Variants in SKAP2 observed in about 807,000 individuals in gnomAD.
SKAP2 encodes src kinase-associated phosphoprotein 2.
SKAP2 carries 28 observed loss-of-function variants against 54.9 expected under a neutral mutation model. That is an observed-to-expected ratio of 0.51 (90% CI 0.38 to 0.70). SKAP2 has a LOEUF of 0.70. Among genes scored for constraint, SKAP2 ranks in the 30% least tolerant of loss-of-function variants. SKAP2 has a pLI of 0.00. For missense variants in SKAP2, 356 were observed against 424.1 expected (o/e 0.84, Z 1.41); for synonymous variants, 137 against 134.3 (o/e 1.02, Z -0.14).
chr7:26,770,151 C>A (rs1158211421), intron 4 of SKAP2, among the ~76,000 whole-genome samples: 3 of 152,152 alleles, frequency 2.0e-5, no homozygotes, highest in East Asian at 1.9e-4. Context: ...AGATGCCCTG[C>A]CCAGAGAGGA....
At position 26,726,587 on chromosome 7, in the gene SKAP2, C is replaced by T. The variant is rs78019459; in HGVS notation, c.594+295G>A. The stretch of plus-strand genomic sequence containing the variant: ...GCTATGTAATTCTTTTGGAAGATCA[C>T]CTAGTGCTATGCAACATGTGATCAC... On this transcript the variant is annotated intron_variant, in intron 7 of 12. Coordinates refer to ENST00000345317, the MANE Select transcript of SKAP2 (RefSeq NM_003930.5). The T allele has an allele frequency of 8.5e-3, 1,859 of 217,656 alleles. 34 individuals carry two copies. Among genetic ancestry groups the T allele is most frequent in the African/African-American group, 0.04 (1,720 of 43,210 alleles). The allele number at this position is 217,656 out of a possible 1,614,324, so 13.5% of individuals were successfully genotyped here.
chr7:26,712,664 C>T (rs1405060917), intron 9 of SKAP2, among the ~76,000 whole-genome samples: 3 of 152,086 alleles, frequency 2.0e-5, no homozygotes, highest in Non-Finnish European at 2.9e-5. Context: ...GTAATAATAC[C>T]TATACCATCA....
At chr7:26,688,524 T>C (rs1466402816) in intron 10 of SKAP2, among the ~76,000 whole-genome samples, 1 of 152,190 alleles carries the variant, frequency 6.6e-6, no homozygotes, top group Non-Finnish European at 1.5e-5. Flanking sequence ...CTGCCCTGCA[T>C]GGCAAACAAA....
At chr7:26,762,693 T>A (rs1053092692) in intron 4 of SKAP2, among the ~76,000 whole-genome samples, 12 of 151,642 alleles carry the variant, frequency 7.9e-5, no homozygotes, top group Non-Finnish European at 1.6e-4. Flanking sequence ...AAAAAAAAAA[T>A]TGATGCCCAT....
At chr7:26,693,836 C>T (rs2127942399) in intron 9 of SKAP2, among the ~76,000 whole-genome samples, 1 of 152,084 alleles carries the variant, frequency 6.6e-6, no homozygotes, top group African/African-American at 2.4e-5. Context: ...CAAATAGCTT[C>T]CATATAAAAG....
chr7:26,663,684 GA>G (rs1786057934), downstream of SKAP2, among the ~76,000 whole-genome samples: 1 of 152,110 alleles, frequency 6.6e-6, no homozygotes, highest in Admixed American at 6.6e-5. Context: ...AACTATTTGA[GA>G]CAGAAGCAGC....
chr7:26,826,546 CA>C (rs1336359423), intron 4 of SKAP2, among the ~76,000 whole-genome samples: 1 of 152,166 alleles, frequency 6.6e-6, no homozygotes, highest in East Asian at 1.9e-4. Flanking sequence ...GGCTGTTTCA[CA>C]AATGTGAAAA....
chr7:26,823,618 T>C (rs1207840775), intron 4 of SKAP2, among the ~76,000 whole-genome samples: 2 of 152,058 alleles, frequency 1.3e-5, no homozygotes, highest in Non-Finnish European at 2.9e-5. Flanking sequence ...GAAGAAAAGT[T>C]AGAATCTAGC....
chr7:26,792,526 A>G (rs966623584), intron 4 of SKAP2, among the ~76,000 whole-genome samples: 1 of 152,226 alleles, frequency 6.6e-6, no homozygotes, highest in African/African-American at 2.4e-5. Flanking sequence ...TATTTGAAAA[A>G]TAAGATTTTG....
chr7:26,754,813 C>T (rs1161650119), intron 4 of SKAP2, among the ~76,000 whole-genome samples: 2 of 152,136 alleles, frequency 1.3e-5, no homozygotes, highest in Admixed American at 6.6e-5. Context: ...GAAGTTACCT[C>T]AGAGGAGGCT....
chr7:26,677,394 TAAAAA>T (rs1322136047), intron 11 of SKAP2, among the ~76,000 whole-genome samples: 1 of 72,970 alleles, frequency 1.4e-5, no homozygotes. Context: ...TCTGTCTCAA[TAAAAA>T]AAAAAAAAAA....
intron 4 of SKAP2, among the ~76,000 whole-genome samples, chr7:26,829,121 C>T (rs1277393404): frequency 2.0e-5 from 3 of 152,044 alleles, no homozygotes; most frequent in Non-Finnish European, 2.9e-5. Context: ...TCAAGGATAC[C>T]ATCAAGAAAG....
chr7:26,846,915 G>C (rs1784934072), intron 3 of SKAP2, among the ~76,000 whole-genome samples: 1 of 152,118 alleles, frequency 6.6e-6, no homozygotes, highest in Admixed American at 6.5e-5. Flanking sequence ...CTGGGAGGCG[G>C]TGAGCCAAGA....
At chr7:26,823,114 C>T (rs1784414592) in intron 4 of SKAP2, among the ~76,000 whole-genome samples, 1 of 151,826 alleles carries the variant, frequency 6.6e-6, no homozygotes, top group African/African-American at 2.4e-5. Context: ...CTCCAGTGAA[C>T]ACACAAATGA....
intron 4 of SKAP2, among the ~76,000 whole-genome samples, chr7:26,756,581 G>A (rs1393464255): frequency 6.6e-6 from 1 of 152,056 alleles, no homozygotes; most frequent in Admixed American, 6.6e-5. Flanking sequence ...GTCTATCATC[G>A]ATGGACATTT....
chr7:26,710,103 C>G (rs1390965105), intron 9 of SKAP2, among the ~76,000 whole-genome samples: 1 of 152,004 alleles, frequency 6.6e-6, no homozygotes, highest in Non-Finnish European at 1.5e-5. Flanking sequence ...CTTAATTTAC[C>G]TAATAGACCC....
At chr7:26,811,514 T>C (rs1784144812) in intron 4 of SKAP2, among the ~76,000 whole-genome samples, 1 of 152,182 alleles carries the variant, frequency 6.6e-6, no homozygotes, top group Non-Finnish European at 1.5e-5. Context: ...GTTCCTCTTC[T>C]CTCTCAACAA....
intron 9 of SKAP2, among the ~76,000 whole-genome samples, chr7:26,712,677 C>T (rs1218168222): frequency 1.3e-5 from 2 of 152,152 alleles, no homozygotes; most frequent in African/African-American, 4.8e-5. Context: ...TACCATCAAC[C>T]ACTTATGCTT....
At position 26,751,347 on chromosome 7, in the gene SKAP2, T is replaced by A. The variant is rs575204448; in HGVS notation, c.308-11383A>T. 6.6e-5 allele frequency among the ~76,000 whole-genome samples: 10 copies of A among 151,818 alleles called. No homozygotes were observed. In the East Asian group the frequency reaches 2.0e-3, roughly 30 times the overall value. ...TGAAATTATTTTATGACTAACTTATTAACAGAAGGTAAATTGCTGAATTAA... is the reference window on the plus strand; with the variant it reads ...TGAAATTATTTTATGACTAACTTATAAACAGAAGGTAAATTGCTGAATTAA... On this transcript the variant is annotated intron_variant, in intron 4 of 12. Transcript: ENST00000345317.
Sources: allele counts gnomAD v4.1 joint callset (sites outside exome capture counted in the v4.1 genomes callset), GRCh38; gene constraint gnomAD v4.1.1; transcripts MANE v1.5; gene names NCBI Gene and HGNC (gene_info 2026-07-23, HGNC 2026-07-21).